NRG3: variants seen among roughly 807,000 people sequenced by gnomAD.
NRG3 encodes the protein pro-neuregulin-3, membrane-bound isoform.
Under a neutral mutation model 66.9 loss-of-function variants are expected in NRG3, and 31 were observed. The ratio of observed to expected loss-of-function variants is 0.46; its 90% CI spans 0.35 to 0.63. The LOEUF (loss-of-function observed/expected upper bound fraction) is 0.63, where lower values mean the gene tolerates loss of function less well. Among genes scored for constraint, NRG3 ranks in the 20% least tolerant of loss-of-function variants. The probability of loss-of-function intolerance (pLI) is 0.00; values close to 1 mark genes in which losing one functional copy is unlikely to be tolerated. For missense variants in NRG3, 910 were observed against 878.9 expected (o/e 1.04, Z -0.45); for synonymous variants, 393 against 359.4 (o/e 1.09, Z -1.06).
intron 6 of NRG3, among the ~76,000 whole-genome samples, chr10:82,969,991 C>G (rs1285003746): frequency 1.3e-5 from 2 of 152,002 alleles, no homozygotes; most frequent in Non-Finnish European, 1.5e-5. Flanking sequence ...CGCTTTTGCG[C>G]CTTTTATTCT....
At chr10:82,967,220 A>G (rs2132522590) in intron 6 of NRG3, among the ~76,000 whole-genome samples, 1 of 150,594 alleles carries the variant, frequency 6.6e-6, no homozygotes, top group South Asian at 2.1e-4. Context: ...TACATATATT[A>G]AAAGATATAT....
intron 2 of NRG3, among the ~76,000 whole-genome samples, chr10:82,423,976 G>T (rs1007644469): frequency 1.6e-4 from 25 of 151,946 alleles, no homozygotes; most frequent in African/African-American, 5.6e-4. Context: ...AAGTACTTCA[G>T]CCTTTTATGA....
chr10:82,661,147 C>T (rs992652499), intron 2 of NRG3, among the ~76,000 whole-genome samples: 1 of 152,108 alleles, frequency 6.6e-6, no homozygotes, highest in Non-Finnish European at 1.5e-5. Flanking sequence ...ACTATTCCCT[C>T]GTCTGACAAT....
chr10:82,157,168 T>G (rs1216228570), intron 1 of NRG3, among the ~76,000 whole-genome samples: 2 of 151,752 alleles, frequency 1.3e-5, no homozygotes, highest in Non-Finnish European at 3.0e-5. Context: ...GAAGTATATT[T>G]TCTTATTGCA....
At chr10:82,024,666 A>G (rs1433507508) in intron 1 of NRG3, among the ~76,000 whole-genome samples, 1 of 152,004 alleles carries the variant, frequency 6.6e-6, no homozygotes, top group Admixed American at 6.6e-5. Flanking sequence ...AGTCCCAGCT[A>G]GGACTTGGTC....
At chr10:82,121,992 A>G (rs971621201) in intron 1 of NRG3, among the ~76,000 whole-genome samples, 1 of 151,992 alleles carries the variant, frequency 6.6e-6, no homozygotes, top group African/African-American at 2.4e-5. Flanking sequence ...AAGCAGGAAT[A>G]TATGTTTTGC....
chr10:82,590,126 A>G (rs1446251052), intron 2 of NRG3, among the ~76,000 whole-genome samples: 3 of 152,182 alleles, frequency 2.0e-5, no homozygotes, highest in Non-Finnish European at 2.9e-5. Flanking sequence ...TTGATGTCCC[A>G]ATTATTGATG....
chr10:82,846,429 T>A (rs1188261418), intron 3 of NRG3, among the ~76,000 whole-genome samples: 1 of 152,178 alleles, frequency 6.6e-6, no homozygotes, highest in Admixed American at 6.5e-5. Context: ...TTTATTAAAA[T>A]ACATTTTAAA....
At chr10:82,689,187 A>T (rs531739911) in intron 2 of NRG3, among the ~76,000 whole-genome samples, 1 of 152,280 alleles carries the variant, frequency 6.6e-6, no homozygotes, top group African/African-American at 2.4e-5. Flanking sequence ...TTACAGCTTG[A>T]TTTTTTGAGA....
intron 1 of NRG3, among the ~76,000 whole-genome samples, chr10:82,216,255 A>T (rs1185441982): frequency 6.6e-6 from 1 of 151,914 alleles, no homozygotes; most frequent in African/African-American, 2.4e-5. Context: ...TGCTGGGATT[A>T]CATGCACGAA....
At chr10:82,856,757 A>AC (rs1491467892) in intron 3 of NRG3, among the ~76,000 whole-genome samples, 4,556 of 68,184 alleles carry the variant, frequency 0.067, 35 homozygotes, top group African/African-American at 0.12. Context: ...AAAAAAAAAC[A>AC]AAAAAAAAAA....
chr10:82,209,868 A>T (rs1321330084), intron 1 of NRG3, among the ~76,000 whole-genome samples: 1 of 152,126 alleles, frequency 6.6e-6, no homozygotes, highest in East Asian at 1.9e-4. Flanking sequence ...CTTCCATGCA[A>T]TGTCAATCTT....
At chr10:82,027,564 C>T (rs572232098) in intron 1 of NRG3, among the ~76,000 whole-genome samples, 1 of 152,106 alleles carries the variant, frequency 6.6e-6, no homozygotes, top group Non-Finnish European at 1.5e-5. Flanking sequence ...TATGAGGAAA[C>T]TATTAGCTAC....
At chr10:82,908,527 T>C (rs1844979926) in intron 4 of NRG3, among the ~76,000 whole-genome samples, 1 of 152,166 alleles carries the variant, frequency 6.6e-6, no homozygotes, top group East Asian at 1.9e-4. Flanking sequence ...ATTATCATGT[T>C]GTTCATTAGT....
At chr10:82,963,340 T>A (rs1366747282) in intron 6 of NRG3, among the ~76,000 whole-genome samples, 1 of 152,142 alleles carries the variant, frequency 6.6e-6, no homozygotes, top group Non-Finnish European at 1.5e-5. Flanking sequence ...CAGTTACAAG[T>A]GGGTTTTTAT....
intron 2 of NRG3, among the ~76,000 whole-genome samples, chr10:82,440,326 T>TA (rs1208476198): frequency 1.6e-3 from 242 of 148,842 alleles, no homozygotes; most frequent in South Asian, 5.5e-3. Flanking sequence ...TTCTCTCATT[T>TA]AAAAAAAAAA....
chr10:82,826,257 A>T (rs1473985160), intron 3 of NRG3, among the ~76,000 whole-genome samples: 2 of 152,198 alleles, frequency 1.3e-5, no homozygotes, highest in African/African-American at 4.8e-5. Flanking sequence ...AGACTGGGGT[A>T]ATTGGCCCCA....
chr10:81,898,107 G>C (rs1843689358), intron 1 of NRG3, among the ~76,000 whole-genome samples: 2 of 152,194 alleles, frequency 1.3e-5, no homozygotes, highest in African/African-American at 4.8e-5. Flanking sequence ...GAAAGGAAGG[G>C]ATGGCCTGCT....
intron 1 of NRG3, among the ~76,000 whole-genome samples, chr10:82,153,207 C>T (rs2070913388): frequency 2.0e-5 from 3 of 152,004 alleles, no homozygotes; most frequent in Non-Finnish European, 4.4e-5. Context: ...CACCTTTCCC[C>T]ATTCTCCCTA....
Sources: allele counts gnomAD v4.1 joint callset (sites outside exome capture counted in the v4.1 genomes callset), GRCh38; gene constraint gnomAD v4.1.1; transcripts MANE v1.5; gene names NCBI Gene and HGNC (gene_info 2026-07-23, HGNC 2026-07-21).